Variants in E2F4 observed in about 807,000 individuals in gnomAD.
E2F4 encodes E2F transcription factor 4.
In E2F4, 16 loss-of-function variants were observed where a neutral mutation model predicts 44.5. The ratio of observed to expected loss-of-function variants is 0.36; its 90% CI spans 0.24 to 0.55. The LOEUF is 0.55. E2F4 is among the 20% of genes least tolerant of loss of function. The probability of loss-of-function intolerance (pLI) is 0.87; values close to 1 mark genes in which losing one functional copy is unlikely to be tolerated. For synonymous variants in E2F4, 242 were observed against 207.2 expected (o/e 1.17, Z -1.44); for missense variants, 473 against 522.1 (o/e 0.91, Z 0.92).
At chr16:67,192,905 C>T (rs866833579) in intron 2 of E2F4, 35 bp downstream of exon 2, 3 of 1,588,974 alleles carry the variant, frequency 1.9e-6, no homozygotes, top group Middle Eastern at 1.7e-4. Context: ...GTAGAGTCTC[C>T]CACCCAGAAG....
intron 1 of E2F4, 37 bp downstream of exon 1, chr16:67,192,399 TG>T (rs2142211031): frequency 7.1e-7 from 1 of 1,405,574 alleles, no homozygotes; most frequent in East Asian, 2.6e-5. Flanking sequence ...GGGAGGCTGG[TG>T]GACCAGGCCT....
chr16:67,192,611 T>TG, intron 1 of E2F4, 150 bp from the exon 2 acceptor site: 1 of 929,452 alleles, frequency 1.1e-6, no homozygotes, highest in South Asian at 1.7e-5. Flanking sequence ...AAGAGCTGCC[T>TG]ATGGGACAGA....
intron 7 of E2F4, 25 bp downstream of exon 7, chr16:67,196,031 G>A (rs1043507975): frequency 1.3e-5 from 20 of 1,599,716 alleles, no homozygotes; most frequent in Admixed American, 1.7e-5. Context: ...CCTGGGGGCA[G>A]AGAGAGAGAG....
chr16:67,197,985 C>A, intron 9 of E2F4, 23 bp from the exon 10 acceptor site: 3 of 1,614,032 alleles, frequency 1.9e-6, no homozygotes, highest in Non-Finnish European at 2.5e-6. Context: ...TGGCCCAGGG[C>A]CTGAGACTAG....
At position 67,195,797 on chromosome 16, in the gene E2F4, G is replaced by A; in HGVS notation, c.824G>A (p.Gly275Glu). The change falls in exon 7 of 10, where the codon GGG (glycine) becomes GAG (glutamate). Residue 275 changes from glycine (G) to glutamate (E), a missense_variant. By Grantham distance (98) the Gly-to-Glu change is moderately conservative. Transcript: ENST00000379378. ...AAEITVSGGP[G>E]TDSKDSGELS... ...ATCATTGTAGTGAGTGGCGGCCCTG[G>A]GACTGATAGCAAGGACAGTGGTGAG... The A allele has an allele frequency of 6.2e-7, 1 of 1,614,028 alleles. No individual in the cohort carries two copies.
intron 7 of E2F4, 151 bp downstream of exon 7, chr16:67,196,157 G>T (rs1161421273): frequency 8.7e-7 from 1 of 1,153,106 alleles, no homozygotes; most frequent in Non-Finnish European, 1.2e-6. Context: ...CAGTGCTGGT[G>T]CCCCCTCTAG....
chr16:67,198,819 A>C lies in E2F4; in HGVS notation c.*696A>C. The C allele has an allele frequency of 3.4e-6, 1 of 292,162 alleles. No individual in the cohort carries two copies. The highest frequency in any genetic ancestry group is 6.6e-5 in the East Asian group (1 of 15,066). 18.1% of individuals were successfully genotyped at this position (292,162 alleles called of 1,614,324 possible). On this transcript the variant is annotated 3_prime_UTR_variant, in exon 10 of 10. Coordinates refer to ENST00000379378, the MANE Select transcript of E2F4 (RefSeq NM_001950.4). ...GATTTAGAAAGATTTACAGTAACGA[A>C]TGGATTCCTATATAAAGATTATTTT...
chr16:67,193,348 G>C (rs2032918385), intron 3 of E2F4, 124 bp from the exon 4 acceptor site: 1 of 1,495,230 alleles, frequency 6.7e-7, no homozygotes, highest in East Asian at 2.3e-5. Flanking sequence ...TCCCCCGGTG[G>C]ACCTGAGTCC....
At chr16:67,194,659 C>G in intron 5 of E2F4, 27 bp from the exon 6 acceptor site, 1 of 1,602,234 alleles carries the variant, frequency 6.2e-7, no homozygotes, top group African/African-American at 1.3e-5. Context: ...TTCTACCCAT[C>G]TCCCATCCCT....
rs370191195 is a variant in E2F4, at chr16:67,196,014, C to G, written c.1033+8C>G. The stretch of plus-strand genomic sequence containing the variant: ...AGGCAGACCCCACAGGTGGTGAGTA[C>G]CTGCCCCCTGGGGGCAGAGAGAGAG... On this transcript the variant is annotated splice_region_variant and intron_variant, in intron 7 of 9. Coordinates refer to ENST00000379378, the MANE Select transcript of E2F4 (RefSeq NM_001950.4). The G allele has an allele frequency of 2.2e-5, 36 of 1,613,578 alleles. No individual in the cohort carries two copies. Among genetic ancestry groups the G allele is most frequent in the Middle Eastern group, 1.6e-4 (1 of 6,080 alleles).
In E2F4 at chr16:67,193,312, C is replaced by G; in HGVS notation, c.407+142C>G. ...TCAGGCTCCCTCCTCAGAGCCCCTC[C>G]CCTTCCACTCTTAGCCTGTGATCCC... On this transcript the variant is annotated intron_variant, in intron 3 of 9. Coordinates refer to ENST00000379378, the MANE Select transcript of E2F4 (RefSeq NM_001950.4). 4.7e-6 allele frequency: 7 copies of G among 1,485,068 alleles called. No individual in the cohort carries two copies. The South Asian group carries it at 8.3e-5, about 18-fold the overall frequency. The allele number at this position is 1,485,068 out of a possible 1,614,324, so 92.0% of individuals were successfully genotyped here.
chr16:67,192,818 T>A lies in E2F4; in HGVS notation c.193T>A (p.Leu65Met). 6.2e-7 allele frequency: 1 copy of A among 1,613,068 alleles called. No individual in the cohort carries two copies. The highest frequency in any genetic ancestry group is 8.5e-7 in the Non-Finnish European group (1 of 1,179,532). The part of the protein sequence containing the change: ...KRRIYDITNV[L>M]EGIGLIEKKS... ...GCGGATTTACGACATTACCAATGTTTTGGAAGGTATCGGGCTAATCGAGAA... is the reference window on the plus strand; with the variant it reads ...GCGGATTTACGACATTACCAATGTTATGGAAGGTATCGGGCTAATCGAGAA... Residue 65 changes from leucine to methionine, a missense_variant, in exon 2 of 10, where the codon TTG becomes ATG. Physicochemically the swap from Leu to Met is conservative, Grantham distance 15. Coordinates refer to ENST00000379378, the MANE Select transcript of E2F4 (RefSeq NM_001950.4).
At position 67,192,333 on chromosome 16, in the gene E2F4, G is replaced by A. The variant is rs768398358; in HGVS notation, c.106G>A (p.Ala36Thr). The A allele has an allele frequency of 6.3e-6, 9 of 1,428,750 alleles. No individual in the cohort carries two copies. In the Admixed American group the frequency reaches 8.2e-5, roughly 13 times the overall value. 88.5% of individuals were successfully genotyped at this position (1,428,750 alleles called of 1,614,324 possible). A position where few individuals can be genotyped will look rare whatever the true frequency, so the allele number is the denominator to read the frequency against. Reference sequence around the variant, plus strand: ...CAAGTTCGTGTCCCTTCTGCAGGAGGCCAAGGACGGCGTGCTTGACCTCAA... The same window carrying A: ...CAAGTTCGTGTCCCTTCTGCAGGAGACCAAGGACGGCGTGCTTGACCTCAA... The part of the protein sequence containing the change: ...TTKFVSLLQE[A>T]KDGVLDLKLA... The change falls in exon 1 of 10, where the codon GCC becomes ACC. Residue 36 changes from alanine to threonine, a missense_variant. Physicochemically the swap from Ala to Thr is moderately conservative, Grantham distance 58 (BLOSUM62 0). This residue lies in a region of E2F4 where 119 missense variants were observed against 175.6 expected (regional missense o/e 0.68). Coordinates refer to ENST00000379378, the MANE Select transcript of E2F4 (RefSeq NM_001950.4).
chr16:67,193,937 A>G (rs1881367831), intron 4 of E2F4: 1 of 243,992 alleles, frequency 4.1e-6, no homozygotes, highest in Non-Finnish European at 8.0e-6. Flanking sequence ...TTTTTAAGAG[A>G]TGGGCTCTTG....
rs2032896543 is a variant in E2F4 at position 67,192,203 on chromosome 16, T to A, written c.-25T>A. 5.0e-6 allele frequency: 6 copies of A among 1,201,160 alleles called. No homozygotes were observed. The highest frequency in any genetic ancestry group is 6.2e-6 in the Non-Finnish European group (6 of 968,592). 74.4% of individuals were successfully genotyped at this position (1,201,160 alleles called of 1,614,324 possible). ...CGGCGCCGGCCTGGCCTGGCCTGGCTGAGGGGAGGCGGCGGGCGGGCGCGA... is the reference window on the plus strand; with the variant it reads ...CGGCGCCGGCCTGGCCTGGCCTGGCAGAGGGGAGGCGGCGGGCGGGCGCGA... On this transcript the variant is annotated 5_prime_UTR_variant, in exon 1 of 10. Coordinates refer to ENST00000379378, the MANE Select transcript of E2F4 (RefSeq NM_001950.4).
chr16:67,197,243 G>T (rs1316866664), intron 7 of E2F4, among the ~76,000 whole-genome samples: 1 of 152,180 alleles, frequency 6.6e-6, no homozygotes, highest in Non-Finnish European at 1.5e-5. Flanking sequence ...CTGACCCAGG[G>T]TCTGGTCTCA....
Position 67,194,646 on chromosome 16 carries a change from C to T in E2F4, c.514-40C>T, listed in dbSNP as rs144382460. 6 of 1,597,220 alleles carry T rather than the reference C, an allele frequency of 3.8e-6. No individual in the cohort carries two copies. The African/African-American group carries it at 6.7e-5, about 18-fold the overall frequency. On this transcript the variant is annotated intron_variant, in intron 5 of 9. Transcript: ENST00000379378. ...GTCGGGCAGGAGCCAAGCCTGCTTA[C>T]AATTCTACCCATCTCCCATCCCTTA...
rs1466046221 is a variant in E2F4 at position 67,193,136 on chromosome 16, A to G, written c.373A>G (p.Ile125Val). Reference protein sequence around the residue: ...DQHKVWVQQSIRNVTEDVQNS... With the variant: ...DQHKVWVQQSVRNVTEDVQNS... ...GCACAAGGTGTGGGTGCAGCAGAGC[A>G]TCCGGAACGTCACAGAGGACGTGCA... Residue 125 changes from isoleucine to valine, a missense_variant, in exon 3 of 10, where the codon ATC becomes GTC. Ile to Val is a conservative substitution (Grantham distance 29, BLOSUM62 3). Coordinates refer to ENST00000379378, the MANE Select transcript of E2F4 (RefSeq NM_001950.4). 6.4e-7 allele frequency: 1 copy of G among 1,574,282 alleles called. No individual in the cohort carries two copies. The highest frequency in any genetic ancestry group is 1.2e-5 in the South Asian group (1 of 86,150).
chr16:67,192,320 C>T lies in E2F4; in HGVS notation c.93C>T (p.Ser31=), dbSNP rs749358494. 7.0e-6 allele frequency: 10 copies of T among 1,431,876 alleles called. No homozygotes were observed. The highest frequency in any genetic ancestry group is 8.3e-6 in the Non-Finnish European group (9 of 1,090,408). The allele number at this position is 1,431,876 out of a possible 1,614,324, so 88.7% of individuals were successfully genotyped here. Residue 31 remains serine, a synonymous_variant, in exon 1 of 10, where the codon TCC becomes TCT. Coordinates refer to ENST00000379378, the MANE Select transcript of E2F4 (RefSeq NM_001950.4). ...SLGLLTTKFV[S]LLQEAKDGVL... ...GACTGCTCACCACCAAGTTCGTGTC[C>T]CTTCTGCAGGAGGCCAAGGACGGCG... is the stretch of plus-strand genomic sequence containing the variant.
Sources: allele counts gnomAD v4.1 joint callset (sites outside exome capture counted in the v4.1 genomes callset), GRCh38; gene constraint gnomAD v4.1.1; regional missense constraint gnomAD v4.1.1; transcripts MANE v1.5; gene names NCBI Gene and HGNC (gene_info 2026-07-23, HGNC 2026-07-21).